Variants in RPH3AL observed in about 807,000 individuals in gnomAD.
RPH3AL encodes rabphilin 3A like (without C2 domains), also known as rab effector Noc2.
Under a neutral mutation model 43.1 loss-of-function variants are expected in RPH3AL, and 38 were observed. The ratio of observed to expected loss-of-function variants is 0.88; its 90% CI spans 0.68 to 1.15. The LOEUF is 1.15. Ranked by LOEUF, RPH3AL falls within the 50% of genes most tolerant of loss-of-function variation. The pLI, the probability that RPH3AL is intolerant of heterozygous loss-of-function variation, is 0.00. For missense variants in RPH3AL, 462 were observed against 423.2 expected, an observed-to-expected ratio of 1.09 and a Z score of -0.81; for synonymous variants, 189 against 176.3, an observed-to-expected ratio of 1.07 and a Z score of -0.57.
In RPH3AL at chr17:234,409, C is replaced by CT. The variant is rs1422027259; in HGVS notation, c.613+12701dup. 3 of 124,754 alleles carry CT rather than the reference C, an allele frequency of 2.4e-5. 1 individual carries two copies. Among genetic ancestry groups the CT allele is most frequent in the Middle Eastern group, 7.7e-3 (2 of 260 alleles). The allele number at this position is 124,754 out of a possible 1,614,324, so 7.7% of individuals were successfully genotyped here. On this transcript the variant is annotated intron_variant, in intron 7 of 9. Coordinates refer to ENST00000331302, the MANE Select transcript of RPH3AL (RefSeq NM_006987.4). The stretch of plus-strand genomic sequence containing the variant: ...GGGAGCGGCTACTTACCCTGACCAA[C>CT]TTCCCTGAGCAGGGAGGTATCGGAA...
chr17:241,867 G>A (rs575221447), intron 7 of RPH3AL, among the ~76,000 whole-genome samples: 12 of 152,044 alleles, frequency 7.9e-5, no homozygotes, highest in East Asian at 3.9e-4. Flanking sequence ...GGTAATCCCC[G>A]CACTTTGGGA....
Position 274,598 on chromosome 17 carries a change from CA to C in RPH3AL, c.438+7169del, listed in dbSNP as rs1233060535. ...GAAGAGCGGAGGAGACAGCATAAGC[CA>C]GGGGCTGCGGTCCCTCGTCCTCCCT... is the stretch of plus-strand genomic sequence containing the variant. On this transcript the variant is annotated intron_variant, in intron 6 of 9. Coordinates refer to ENST00000331302, the MANE Select transcript of RPH3AL (RefSeq NM_006987.4). The surrounding 1 kb of genome is among the most constrained non-coding windows in gnomAD (Gnocchi z 4.7). Among the ~76,000 whole-genome samples the C allele has an allele frequency of 6.6e-6, 1 of 152,106 alleles. No individual in the cohort carries two copies. Among genetic ancestry groups the C allele is most frequent in the African/African-American group, 2.4e-5 (1 of 41,418 alleles).
At position 235,324 on chromosome 17, in the gene RPH3AL, G is replaced by A. The variant is rs568012772; in HGVS notation, c.613+11787C>T. On this transcript the variant is annotated intron_variant, in intron 7 of 9. Coordinates refer to ENST00000331302, the MANE Select transcript of RPH3AL (RefSeq NM_006987.4). ...CCCGGGTTCAAAGCTGGGGTCGGCC[G>A]AGGCTCTGCACTAACAAGACGGATC... is the stretch of plus-strand genomic sequence containing the variant. 5.9e-3 allele frequency among the ~76,000 whole-genome samples: 786 copies of A among 134,190 alleles called. 5 individuals carry two copies. Among genetic ancestry groups the A allele is most frequent in the African/African-American group, 0.021 (746 of 36,096 alleles). 88.0% of individuals were successfully genotyped at this position (134,190 alleles called of 152,430 possible). A position where few individuals can be genotyped will look rare whatever the true frequency, so the allele number is the denominator to read the frequency against.
At chr17:332,214 C>G (rs1422413974) in intron 2 of RPH3AL, 1 of 308,212 alleles carries the variant, frequency 3.2e-6, no homozygotes, top group East Asian at 8.2e-5. Flanking sequence ...GACGTGATCC[C>G]CAGGGCCAGG....
chr17:273,414 G>A lies in RPH3AL; in HGVS notation c.438+8354C>T, dbSNP rs1176582707. On this transcript the variant is annotated intron_variant, in intron 6 of 9. Transcript: ENST00000331302. ...AGACCCCAGCGAGGGTGACGTCAGGGTGAGACCCCGGCGAGGGCGACGTCA... is the reference window on the plus strand; with the variant it reads ...AGACCCCAGCGAGGGTGACGTCAGGATGAGACCCCGGCGAGGGCGACGTCA... 9.0e-5 allele frequency among the ~76,000 whole-genome samples: 6 copies of A among 66,994 alleles called. 1 individual carries two copies. The highest frequency in any genetic ancestry group is 1.3e-4 in the Non-Finnish European group (4 of 30,356). 44.0% of individuals were successfully genotyped at this position (66,994 alleles called of 152,430 possible). A position where few individuals can be genotyped will look rare whatever the true frequency, so the allele number is the denominator to read the frequency against.
chr17:214,200 C>T (rs553998788), intron 9 of RPH3AL, among the ~76,000 whole-genome samples: 68 of 152,322 alleles, frequency 4.5e-4, no homozygotes, highest in African/African-American at 8.4e-4. Context: ...CAAATGGGCA[C>T]GGAAAGAGAA....
rs1466965304 is a variant in RPH3AL at position 322,294 on chromosome 17, A to T, written c.78-879T>A. ...GTGGCAGCAGCAGATCAAACCCCGG[A>T]GCCCCTGCCCTGGGTGGGTGCCAGC... On this transcript the variant is annotated intron_variant, in intron 3 of 9. Coordinates refer to ENST00000331302, the MANE Select transcript of RPH3AL (RefSeq NM_006987.4). The surrounding 1 kb of genome is among the most constrained non-coding windows in gnomAD (Gnocchi z 4.0). 2.0e-5 allele frequency: 3 copies of T among 152,180 alleles called. No homozygotes were observed. Among genetic ancestry groups the T allele is most frequent in the African/African-American group, 7.2e-5 (3 of 41,384 alleles). The allele number at this position is 152,180 out of a possible 1,614,324, so 9.4% of individuals were successfully genotyped here.
chr17:246,573 C>A lies in RPH3AL; in HGVS notation c.613+538G>T, dbSNP rs1449265011. Among the ~76,000 whole-genome samples the A allele has an allele frequency of 6.6e-6, 1 of 152,136 alleles. No homozygotes were observed. The highest frequency in any genetic ancestry group is 1.9e-4 in the East Asian group (1 of 5,190). ...AAAGCTGCGGAGAACGGTCCACAAC[C>A]AGGCGCCCCCATCGTTGCCAAGTGG... On this transcript the variant is annotated intron_variant, in intron 7 of 9. Coordinates refer to ENST00000331302, the MANE Select transcript of RPH3AL (RefSeq NM_006987.4). This position sits in a 1 kb window ranked among gnomAD's most constrained non-coding sequence, Gnocchi z 4.8.
Position 309,632 on chromosome 17 carries a change from G to A in RPH3AL, c.351+9788C>T, listed in dbSNP as rs144192077. ...GGGTCCAGGATATGGCACATCCCCC[G>A]TCCAGGGCTCCTGCCAGCCCCCTGC... On this transcript the variant is annotated intron_variant, in intron 5 of 9. Coordinates refer to ENST00000331302, the MANE Select transcript of RPH3AL (RefSeq NM_006987.4). 4.8e-3 allele frequency among the ~76,000 whole-genome samples: 667 copies of A among 138,990 alleles called. 81 individuals carry two copies. The highest frequency in any genetic ancestry group is 0.019 in the African/African-American group (637 of 34,392). 91.2% of individuals were successfully genotyped at this position (138,990 alleles called of 152,430 possible).
intron 7 of RPH3AL, among the ~76,000 whole-genome samples, chr17:241,055 CAATAATAATAATAATAATAATAAT>C (rs57086885): frequency 0.013 from 1,805 of 143,552 alleles, 27 homozygotes; most frequent in Non-Finnish European, 0.018. Context: ...GACTCCATCT[CAATAATAATAATAATAATAATAAT>C]AATAATAATA....
rs2042548583 is a variant in RPH3AL at position 273,123 on chromosome 17, GTGA to G, written c.438+8642_438+8644del. On this transcript the variant is annotated intron_variant, in intron 6 of 9. Coordinates refer to ENST00000331302, the MANE Select transcript of RPH3AL (RefSeq NM_006987.4). ...ACGTCAGGGAGAGACCCCAGCGAGG[GTGA>G]CGTCAGGGAGAGACCCCAGCGAGGG... 4.9e-5 allele frequency among the ~76,000 whole-genome samples: 5 copies of G among 102,176 alleles called. 1 individual carries two copies. The highest frequency in any genetic ancestry group is 1.0e-4 in the African/African-American group (3 of 29,548). The allele number at this position is 102,176 out of a possible 152,430, so 67.0% of individuals were successfully genotyped here. A position where few individuals can be genotyped will look rare whatever the true frequency, so the allele number is the denominator to read the frequency against.
chr17:280,331 G>A (rs1033579788), intron 6 of RPH3AL, among the ~76,000 whole-genome samples: 9 of 152,168 alleles, frequency 5.9e-5, no homozygotes, highest in African/African-American at 1.9e-4. Context: ...AAAACAGCAG[G>A]GACCTGCCCC....
chr17:271,450 G>C (rs143298792), intron 6 of RPH3AL, among the ~76,000 whole-genome samples: 8,790 of 152,136 alleles, frequency 0.058, 333 homozygotes, highest in Non-Finnish European at 0.085. Context: ...CTCTTATTTT[G>C]TTGAGCAGTG....
chr17:321,264 C>G lies in RPH3AL; in HGVS notation c.221+8G>C. ...CCTCCCACTGAGCTGGCCCCGGCCC[C>G]GCCTCACCCGATTCTCTGCTGCTCC... is the stretch of plus-strand genomic sequence containing the variant. On this transcript the variant is annotated splice_region_variant and intron_variant, in intron 4 of 9. Coordinates refer to ENST00000331302, the MANE Select transcript of RPH3AL (RefSeq NM_006987.4). The G allele has an allele frequency of 1.2e-6, 2 of 1,604,222 alleles. No individual in the cohort carries two copies. Among genetic ancestry groups the G allele is most frequent in the Non-Finnish European group, 1.7e-6 (2 of 1,178,728 alleles).
rs981124713 is a variant in RPH3AL, at chr17:333,360, C to T, written c.-37+399G>A. 27 of 1,154,100 alleles carry T rather than the reference C, an allele frequency of 2.3e-5. No individual in the cohort carries two copies. The Admixed American group carries it at 2.6e-4, about 11-fold the overall frequency. 71.5% of individuals were successfully genotyped at this position (1,154,100 alleles called of 1,614,324 possible). A position where few individuals can be genotyped will look rare whatever the true frequency, so the allele number is the denominator to read the frequency against. On this transcript the variant is annotated intron_variant, in intron 2 of 9. Coordinates refer to ENST00000331302, the MANE Select transcript of RPH3AL (RefSeq NM_006987.4). This position sits in a 1 kb window ranked among gnomAD's most constrained non-coding sequence, Gnocchi z 4.5. ...ATTCTCACATCAGCCACCCCCATGG[C>T]GACTCTTAACACCTTAATGTAGCAC...
intron 4 of RPH3AL, 56 bp from the exon 5 acceptor site, chr17:319,605 C>G: frequency 6.3e-7 from 1 of 1,596,924 alleles, no homozygotes; most frequent in Non-Finnish European, 8.5e-7. Context: ...GGCACAGTTG[C>G]ACTGAGGCCC....
intron 3 of RPH3AL, 157 bp from the exon 4 acceptor site, chr17:321,572 G>A: frequency 4.6e-6 from 3 of 647,970 alleles, no homozygotes; most frequent in Non-Finnish European, 6.8e-6. Flanking sequence ...GGCCCAGGTG[G>A]CAACAGAGAT....
intron 6 of RPH3AL, among the ~76,000 whole-genome samples, chr17:269,158 G>T (rs544678768): frequency 6.6e-6 from 1 of 152,108 alleles, no homozygotes; most frequent in Non-Finnish European, 1.5e-5. Context: ...GATCACAGGC[G>T]TGAGCCACCG....
chr17:278,365 T>C (rs566453976), intron 6 of RPH3AL, among the ~76,000 whole-genome samples: 3 of 152,248 alleles, frequency 2.0e-5, no homozygotes, highest in African/African-American at 7.2e-5. Flanking sequence ...TAGTACCCAG[T>C]CTCAGGTATG....
Sources: allele counts gnomAD v4.1 joint callset (sites outside exome capture counted in the v4.1 genomes callset), GRCh38; gene constraint gnomAD v4.1.1; non-coding constraint Gnocchi (gnomAD v3.1); transcripts MANE v1.5; gene names NCBI Gene and HGNC (gene_info 2026-07-23, HGNC 2026-07-21).